Variants in ASIC2 observed in about 807,000 individuals in gnomAD.
ASIC2 encodes the protein acid sensing ion channel subunit 2.
A neutral mutation model predicts 57.3 loss-of-function variants in ASIC2; 25 were observed. The observed-to-expected ratio is 0.44, with a 90% CI of 0.32 to 0.61. ASIC2 has a LOEUF of 0.61. ASIC2 is among the 20% of genes least tolerant of loss of function. ASIC2 has a pLI of 0.06. For missense variants in ASIC2, 641 were observed against 738.1 expected, an observed-to-expected ratio of 0.87 and a Z score of 1.52; for synonymous variants, 319 against 307.5, an observed-to-expected ratio of 1.04 and a Z score of -0.39.
chr17:33,920,601 G>A (rs991497948), intron 1 of ASIC2, among the ~76,000 whole-genome samples: 3 of 152,234 alleles, frequency 2.0e-5, no homozygotes, highest in African/African-American at 4.8e-5. Context: ...ATGACCTATC[G>A]GGTACTATGC....
intron 1 of ASIC2, among the ~76,000 whole-genome samples, chr17:34,012,672 A>AT (rs1189781522): frequency 1.3e-5 from 2 of 151,254 alleles, no homozygotes; most frequent in South Asian, 2.1e-4. Context: ...TTAGATTTGC[A>AT]TTTTTTTCTC....
intron 1 of ASIC2, among the ~76,000 whole-genome samples, chr17:33,396,807 AT>A (rs1462203881): frequency 1.3e-5 from 2 of 152,162 alleles, no homozygotes; most frequent in East Asian, 3.9e-4. Context: ...GCATTGGGAA[AT>A]TTACCTAGTC....
intron 9 of ASIC2, among the ~76,000 whole-genome samples, chr17:33,014,905 C>T (rs1399452233): frequency 3.3e-5 from 5 of 152,162 alleles, no homozygotes; most frequent in African/African-American, 1.2e-4. Flanking sequence ...GGATGACAGC[C>T]CCCTGCAGTC....
chr17:33,934,094 T>A (rs1916005347), intron 1 of ASIC2, among the ~76,000 whole-genome samples: 3 of 152,122 alleles, frequency 2.0e-5, no homozygotes, highest in Admixed American at 6.5e-5. Context: ...TAATTCCTGC[T>A]CCCTAGATCA....
chr17:33,639,869 A>G (rs1041105728), intron 1 of ASIC2, among the ~76,000 whole-genome samples: 3 of 152,146 alleles, frequency 2.0e-5, no homozygotes, highest in African/African-American at 7.2e-5. Context: ...TCCAAAAAAC[A>G]TCAATGGATA....
At chr17:33,880,556 G>A (rs1420009779) in intron 1 of ASIC2, among the ~76,000 whole-genome samples, 3 of 152,098 alleles carry the variant, frequency 2.0e-5, no homozygotes, top group Admixed American at 1.3e-4. Context: ...GACTAAACCA[G>A]GAAGAAGTTG....
chr17:34,029,375 C>CAAAAAAAAA (rs60189628), intron 1 of ASIC2, among the ~76,000 whole-genome samples: 2 of 110,444 alleles, frequency 1.8e-5, no homozygotes, highest in African/African-American at 2.9e-5. Context: ...GTGCTAAAAC[C>CAAAAAAAAA]AAAAAAAAAA....
intron 1 of ASIC2, among the ~76,000 whole-genome samples, chr17:33,267,616 A>T (rs1909513498): frequency 6.6e-6 from 1 of 152,248 alleles, no homozygotes; most frequent in Non-Finnish European, 1.5e-5. Context: ...GAAGCAGTAA[A>T]CAGGCTGCAG....
At chr17:33,644,008 A>C (rs1906666123) in intron 1 of ASIC2, among the ~76,000 whole-genome samples, 1 of 152,202 alleles carries the variant, frequency 6.6e-6, no homozygotes, top group South Asian at 2.1e-4. Context: ...CCATCACAAC[A>C]AACACTCCTA....
chr17:33,022,082 T>C (rs1408612263), intron 6 of ASIC2, among the ~76,000 whole-genome samples: 2 of 152,110 alleles, frequency 1.3e-5, no homozygotes, highest in Non-Finnish European at 2.9e-5. Context: ...GGGGACAGTG[T>C]TGGCAAGAAG....
chr17:33,611,043 G>C (rs1029011058), intron 1 of ASIC2, among the ~76,000 whole-genome samples: 1 of 152,210 alleles, frequency 6.6e-6, no homozygotes, highest in African/African-American at 2.4e-5. Context: ...TGGCTGAGCA[G>C]GAACTCACAA....
intron 1 of ASIC2, among the ~76,000 whole-genome samples, chr17:33,761,075 C>A (rs1002846269): frequency 6.6e-6 from 1 of 152,096 alleles, no homozygotes; most frequent in Admixed American, 6.5e-5. Context: ...AGACATTCCT[C>A]ATTCATCTGT....
intron 1 of ASIC2, among the ~76,000 whole-genome samples, chr17:34,007,737 C>A (rs575251356): frequency 6.6e-6 from 1 of 152,358 alleles, no homozygotes; most frequent in South Asian, 2.1e-4. Context: ...CTAGAGCATG[C>A]ATGTCCAAGA....
At chr17:33,286,084 A>G (rs529286247) in intron 1 of ASIC2, among the ~76,000 whole-genome samples, 1 of 152,282 alleles carries the variant, frequency 6.6e-6, no homozygotes, top group African/African-American at 2.4e-5. Context: ...CCTCCCAACT[A>G]CTGGACTGCC....
intron 1 of ASIC2, among the ~76,000 whole-genome samples, chr17:33,602,353 C>T (rs1278603555): frequency 3.3e-5 from 5 of 152,082 alleles, no homozygotes; most frequent in Non-Finnish European, 7.4e-5. Flanking sequence ...TGGCTCTTGC[C>T]CTTGTGAATA....
chr17:33,798,679 AG>A (rs1212689029), intron 1 of ASIC2, among the ~76,000 whole-genome samples: 1 of 152,210 alleles, frequency 6.6e-6, no homozygotes, highest in Non-Finnish European at 1.5e-5. Context: ...GCTTAAATAA[AG>A]GTCATCACAT....
intron 1 of ASIC2, among the ~76,000 whole-genome samples, chr17:33,734,689 A>G (rs1909856462): frequency 6.6e-6 from 1 of 152,116 alleles, no homozygotes; most frequent in African/African-American, 2.4e-5. Flanking sequence ...ATCCAATAAG[A>G]CTGGTGCCCT....
At chr17:33,224,490 A>G (rs1458046578) in intron 1 of ASIC2, among the ~76,000 whole-genome samples, 2 of 152,232 alleles carry the variant, frequency 1.3e-5, no homozygotes, top group African/African-American at 4.8e-5. Context: ...TGTGTCGATC[A>G]ACAAATTGGC....
Position 33,518,758 on chromosome 17 carries a change from A to T in ASIC2, c.556-406691T>A, listed in dbSNP as rs186799656. Among the ~76,000 whole-genome samples the T allele has an allele frequency of 3.0e-3, 462 of 152,320 alleles. 4 individuals carry two copies. Among genetic ancestry groups the T allele is most frequent in the African/African-American group, 0.011 (442 of 41,574 alleles). On this transcript the variant is annotated intron_variant, in intron 1 of 9. Transcript: ENST00000359872. The stretch of plus-strand genomic sequence containing the variant: ...GAATAAATGCTTAGTGTGTTCCTAA[A>T]GCTGTTCTTAAATGCTTTGGACACA...
Sources: allele counts gnomAD v4.1 joint callset (sites outside exome capture counted in the v4.1 genomes callset), GRCh38; gene constraint gnomAD v4.1.1; transcripts MANE v1.5; gene names NCBI Gene and HGNC (gene_info 2026-07-23, HGNC 2026-07-21).